HMBOX1: variants seen among roughly 807,000 people sequenced by gnomAD.
HMBOX1 encodes homeobox-containing protein 1.
Under a neutral mutation model 54.5 loss-of-function variants are expected in HMBOX1, and 14 were observed. That is an observed-to-expected ratio of 0.26 (90% confidence interval 0.17 to 0.40). The LOEUF (loss-of-function observed/expected upper bound fraction) is 0.40, where lower values mean the gene tolerates loss of function less well. Among genes scored for constraint, HMBOX1 ranks in the 10% least tolerant of loss-of-function variants. The probability of loss-of-function intolerance (pLI) is 1.00; values close to 1 mark genes in which losing one functional copy is unlikely to be tolerated. For missense variants in HMBOX1, 332 were observed against 514.4 expected (o/e 0.65, Z 3.43); for synonymous variants, 160 against 181.0 (o/e 0.88, Z 0.93).
intron 1 of HMBOX1, among the ~76,000 whole-genome samples, chr8:28,929,511 T>A (rs1819106116): frequency 1.3e-5 from 2 of 152,186 alleles, no homozygotes; most frequent in Admixed American, 1.3e-4. Context: ...GACAGGACTT[T>A]GAATTGGATA....
Position 28,945,163 on chromosome 8 carries a change from C to CAA in HMBOX1, c.-57-18646_-57-18645dup, listed in dbSNP as rs1371763163. On this transcript the variant is annotated intron_variant, in intron 1 of 9. Coordinates refer to ENST00000287701, the MANE Select transcript of HMBOX1 (RefSeq NM_001135726.3). ...TAGAAAGGTTAATGCTTCAAACTTT[C>CAA]AAAGAGGCAAAAGTGCTAACATTTC... is the stretch of plus-strand genomic sequence containing the variant. Among the ~76,000 whole-genome samples, 4 of 152,178 alleles carry CAA rather than the reference C, an allele frequency of 2.6e-5. No individual in the cohort carries two copies. The East Asian group carries it at 7.7e-4, about 29-fold the overall frequency.
intron 9 of HMBOX1, chr8:29,050,151 A>C (rs1410714815): frequency 1.5e-6 from 1 of 674,778 alleles, no homozygotes; most frequent in East Asian, 1.3e-4. Flanking sequence ...CTTTTTTTAC[A>C]GATGCCCTAA....
At chr8:29,025,792 G>A (rs1427352211) in intron 6 of HMBOX1, among the ~76,000 whole-genome samples, 3 of 152,084 alleles carry the variant, frequency 2.0e-5, no homozygotes, top group African/African-American at 7.2e-5. Context: ...TTAAAACCCT[G>A]CTGACTGATC....
rs1017533573 is a variant in HMBOX1, at chr8:29,040,006, A to G, written c.852-5355A>G. On this transcript the variant is annotated intron_variant, in intron 6 of 9. Coordinates refer to ENST00000287701, the MANE Select transcript of HMBOX1 (RefSeq NM_001135726.3). Reference sequence around the variant, plus strand: ...GTATGTCTTAAGTTTTTATGCCTTCATATTTTCGTCTTTACTGTTAATGTT... The same window carrying G: ...GTATGTCTTAAGTTTTTATGCCTTCGTATTTTCGTCTTTACTGTTAATGTT... Among the ~76,000 whole-genome samples the G allele has an allele frequency of 2.0e-5, 3 of 152,236 alleles. No homozygotes were observed. The South Asian group carries it at 6.2e-4, about 32-fold the overall frequency.
rs919936352 is a variant in HMBOX1 at position 28,897,218 on chromosome 8, G to A, written c.-58+6540G>A. 5.9e-5 allele frequency among the ~76,000 whole-genome samples: 9 copies of A among 151,838 alleles called. No homozygotes were observed. The South Asian group carries it at 1.7e-3, about 28-fold the overall frequency. On this transcript the variant is annotated intron_variant, in intron 1 of 9. Coordinates refer to ENST00000287701, the MANE Select transcript of HMBOX1 (RefSeq NM_001135726.3). Reference sequence around the variant, plus strand: ...CATGCTGGTCTCGAATCCCCCCTCAGGTGATCCACCCGCCTTGGCCTCCCA... The same window carrying A: ...CATGCTGGTCTCGAATCCCCCCTCAAGTGATCCACCCGCCTTGGCCTCCCA...
At position 28,938,429 on chromosome 8, in the gene HMBOX1, C is replaced by CT. The variant is rs375226131; in HGVS notation, c.-57-25374dup. 4.5e-4 allele frequency among the ~76,000 whole-genome samples: 68 copies of CT among 151,936 alleles called. 2 individuals are homozygous for CT. Among genetic ancestry groups the CT allele is most frequent in the African/African-American group, 1.6e-3 (65 of 41,462 alleles). ...ACTCATATGAAGCAGCAAGGGGTAT[C>CT]TTTTTTTTGTTATTTTTAGTTTTTT... On this transcript the variant is annotated intron_variant, in intron 1 of 9. Transcript: ENST00000287701.
chr8:29,040,559 G>C (rs1440589643), intron 6 of HMBOX1, among the ~76,000 whole-genome samples: 2 of 152,134 alleles, frequency 1.3e-5, no homozygotes, highest in African/African-American at 4.8e-5. Flanking sequence ...AATAGAGAAA[G>C]AAGAAAGTTG....
At chr8:28,984,072 G>C (rs184430468) in intron 4 of HMBOX1, among the ~76,000 whole-genome samples, 19 of 152,256 alleles carry the variant, frequency 1.2e-4, no homozygotes, top group African/African-American at 4.3e-4. Context: ...CCTCGTAATT[G>C]GTCTAACTTA....
At chr8:28,929,004 A>C (rs1050545009) in intron 1 of HMBOX1, among the ~76,000 whole-genome samples, 2 of 152,250 alleles carry the variant, frequency 1.3e-5, no homozygotes, top group African/African-American at 4.8e-5. Flanking sequence ...CTTAATGTAC[A>C]TAATGGTAAC....
At chr8:28,974,787 A>G (rs1279857411) in intron 3 of HMBOX1, among the ~76,000 whole-genome samples, 2 of 152,194 alleles carry the variant, frequency 1.3e-5, no homozygotes, top group Non-Finnish European at 2.9e-5. Flanking sequence ...AAATTTGTAC[A>G]TCATTGTATT....
chr8:28,928,849 C>G (rs566433958), intron 1 of HMBOX1, among the ~76,000 whole-genome samples: 1 of 152,044 alleles, frequency 6.6e-6, no homozygotes, highest in South Asian at 2.1e-4. Context: ...AAGTTGAACT[C>G]ATAGAAATAG....
intron 1 of HMBOX1, among the ~76,000 whole-genome samples, chr8:28,957,891 G>A (rs2132206859): frequency 6.6e-6 from 1 of 152,172 alleles, no homozygotes; most frequent in East Asian, 1.9e-4. Context: ...TCGAAGTGCT[G>A]GTATTACAGG....
At chr8:28,991,261 A>G (rs1830943023) in intron 4 of HMBOX1, among the ~76,000 whole-genome samples, 1 of 152,256 alleles carries the variant, frequency 6.6e-6, no homozygotes, top group Admixed American at 6.5e-5. Flanking sequence ...ACTTTTCTAC[A>G]TGATTTTACT....
intron 6 of HMBOX1, among the ~76,000 whole-genome samples, chr8:29,019,728 C>G (rs765659432): frequency 3.3e-5 from 5 of 152,190 alleles, no homozygotes; most frequent in Non-Finnish European, 7.4e-5. Flanking sequence ...CACAAACTCT[C>G]AGCTGTAACT....
intron 4 of HMBOX1, among the ~76,000 whole-genome samples, chr8:29,004,528 C>T (rs1477684537): frequency 6.6e-6 from 1 of 152,166 alleles, no homozygotes; most frequent in Non-Finnish European, 1.5e-5. Context: ...GTTTGAGGAA[C>T]AGGTAGCCTG....
At chr8:28,989,790 A>G (rs971998277) in intron 4 of HMBOX1, among the ~76,000 whole-genome samples, 7 of 152,256 alleles carry the variant, frequency 4.6e-5, no homozygotes, top group African/African-American at 1.7e-4. Context: ...TCAATCTGAC[A>G]TTAGGAATTT....
intron 1 of HMBOX1, among the ~76,000 whole-genome samples, chr8:28,948,606 G>T (rs1200110924): frequency 6.6e-6 from 1 of 152,116 alleles, no homozygotes; most frequent in African/African-American, 2.4e-5. Context: ...GCATTTAGTA[G>T]ATCTTGAGTT....
At chr8:28,943,818 G>T (rs1345871771) in intron 1 of HMBOX1, among the ~76,000 whole-genome samples, 1 of 152,218 alleles carries the variant, frequency 6.6e-6, no homozygotes, top group African/African-American at 2.4e-5. Flanking sequence ...TGCATGTCCT[G>T]TATCAAGGGA....
chr8:29,010,070 A>AT, intron 5 of HMBOX1: 1 of 984,286 alleles, frequency 1.0e-6, no homozygotes, highest in Non-Finnish European at 1.2e-6. Flanking sequence ...ATGTGATAAG[A>AT]TTTTTTTCCC....
Sources: allele counts gnomAD v4.1 joint callset (sites outside exome capture counted in the v4.1 genomes callset), GRCh38; gene constraint gnomAD v4.1.1; transcripts MANE v1.5; gene names NCBI Gene and HGNC (gene_info 2026-07-23, HGNC 2026-07-21).